CCDC97: variants seen among roughly 807,000 people sequenced by gnomAD.
CCDC97 encodes the protein coiled-coil domain-containing protein 97.
In CCDC97, 27 loss-of-function variants were observed where a neutral mutation model predicts 33.9. That is an observed-to-expected ratio of 0.80 (90% CI 0.59 to 1.10). The LOEUF (loss-of-function observed/expected upper bound fraction) is 1.10, where lower values mean the gene tolerates loss of function less well. Among genes scored for constraint, CCDC97 ranks in the 50% least tolerant of loss-of-function variants. CCDC97 has a pLI of 0.00. For synonymous variants in CCDC97, 217 were observed against 194.0 expected (o/e 1.12, Z -0.99); for missense variants, 422 against 476.6 (o/e 0.89, Z 1.07).
Position 41,319,822 on chromosome 19 carries a change from G to A in CCDC97, c.751G>A (p.Glu251Lys). The change falls in exon 3 of 5, where the codon GAG (glutamate) becomes AAG (lysine). Residue 251 changes from glutamate (E) to lysine (K), a missense_variant. Glu to Lys is a moderately conservative substitution (Grantham distance 56). Coordinates refer to ENST00000269967, the MANE Select transcript of CCDC97 (RefSeq NM_052848.3). ...QEEEEACLEE[E>K]EEEEDSDEED... ...GGAGGAGGAGGCCTGCTTGGAGGAAGAGGAAGAGGAGGAGGACAGTGACGA... is the reference window on the plus strand; with the variant it reads ...GGAGGAGGAGGCCTGCTTGGAGGAAAAGGAAGAGGAGGAGGACAGTGACGA... 6.4e-7 allele frequency: 1 copy of A among 1,569,686 alleles called. No individual in the cohort carries two copies. The highest frequency in any genetic ancestry group is 8.7e-7 in the Non-Finnish European group (1 of 1,147,868).
rs773099147 is a variant in CCDC97 at position 41,310,290 on chromosome 19, GA to G, written c.-17del. 16 of 1,594,348 alleles carry G rather than the reference GA, an allele frequency of 1.0e-5. No homozygotes were observed. Among genetic ancestry groups the G allele is most frequent in the Non-Finnish European group, 1.4e-5 (16 of 1,170,754 alleles). On this transcript the variant is annotated 5_prime_UTR_variant, in exon 1 of 5. Transcript: ENST00000269967. ...AGTGTGCGGGGCCCGCCGGGCGGTT[GA>G]AAAGTCCGAGAGAATCAGGATGGAG...
intron 1 of CCDC97, among the ~76,000 whole-genome samples, chr19:41,313,507 A>G (rs1355167749): frequency 6.6e-6 from 1 of 152,140 alleles, no homozygotes; most frequent in Non-Finnish European, 1.5e-5. Flanking sequence ...CAGCTGCATC[A>G]GTGATTTAAA....
At chr19:41,322,175 C>T (rs750921356) in intron 4 of CCDC97, among the ~76,000 whole-genome samples, 18 of 151,860 alleles carry the variant, frequency 1.2e-4, no homozygotes, top group Non-Finnish European at 2.7e-4. Context: ...CTCACCGCAG[C>T]CTTGACCTCC....
rs2037856081 is a variant in CCDC97, at chr19:41,324,015, T to A, written c.*1300T>A. 1 of 152,350 alleles carries A rather than the reference T, an allele frequency of 6.6e-6. No individual in the cohort carries two copies. Among genetic ancestry groups the A allele is most frequent in the South Asian group, 2.1e-4 (1 of 4,828 alleles). 9.4% of individuals were successfully genotyped at this position (152,350 alleles called of 1,614,324 possible). On this transcript the variant is annotated 3_prime_UTR_variant, in exon 5 of 5. Transcript: ENST00000269967. ...TCCTCATGCCTCTGAGATGGAATGG[T>A]GGTATCCTGCCGTGGCCAAGCCTGA...
chr19:41,320,510 A>G lies in CCDC97; in HGVS notation c.911+40A>G, dbSNP rs551515960. The G allele has an allele frequency of 8.7e-6, 14 of 1,612,820 alleles. No individual in the cohort carries two copies. In the South Asian group the frequency reaches 1.3e-4, roughly 15 times the overall value. ...CCACCTCCCCATCCCCCAGCCCAGC[A>G]TCCCACGGCCTTTGGTCACATGCAG... On this transcript the variant is annotated intron_variant, in intron 4 of 4. Coordinates refer to ENST00000269967, the MANE Select transcript of CCDC97 (RefSeq NM_052848.3).
intron 2 of CCDC97, among the ~76,000 whole-genome samples, chr19:41,317,979 A>C (rs1599874701): frequency 7.3e-6 from 1 of 137,548 alleles, no homozygotes; most frequent in Middle Eastern, 3.7e-3. Flanking sequence ...TGAATCTGGG[A>C]GGTGGAGGTT....
At chr19:41,322,105 GT>G (rs971499238) in intron 4 of CCDC97, among the ~76,000 whole-genome samples, 1 of 152,006 alleles carries the variant, frequency 6.6e-6, no homozygotes, top group African/African-American at 2.4e-5. Flanking sequence ...GAGCTTTGGG[GT>G]TTTTTTTAGA....
Position 41,320,330 on chromosome 19 carries a change from T to C in CCDC97, c.782-11T>C. The C allele has an allele frequency of 6.2e-7, 1 of 1,613,354 alleles. No individual in the cohort carries two copies. The highest frequency in any genetic ancestry group is 8.5e-7 in the Non-Finnish European group (1 of 1,179,878). On this transcript the variant is annotated splice_polypyrimidine_tract_variant and intron_variant, in intron 3 of 4. Coordinates refer to ENST00000269967, the MANE Select transcript of CCDC97 (RefSeq NM_052848.3). Reference sequence around the variant, plus strand: ...ACCCGCATTCACACCCCCTCTCCTCTCCCTCTGCAGACCAGAGGTCAGGCA... The same window carrying C: ...ACCCGCATTCACACCCCCTCTCCTCCCCCTCTGCAGACCAGAGGTCAGGCA...
At position 41,322,614 on chromosome 19, in the gene CCDC97, G is replaced by A. The variant is rs778386811; in HGVS notation, c.931G>A (p.Asp311Asn). 41 of 1,613,280 alleles carry A rather than the reference G, an allele frequency of 2.5e-5. No homozygotes were observed. Among genetic ancestry groups the A allele is most frequent in the East Asian group, 1.1e-4 (5 of 44,854 alleles). ...CTGCAGCACAGTAGACGACAACCCC[G>A]ACTTCGACAACCTCGACATCGTGGC... ...FDYSTVDDNP[D>N]FDNLDIVARD... Residue 311 changes from aspartate (D) to asparagine (N), a missense_variant, in exon 5 of 5, where the codon GAC becomes AAC. Physicochemically the swap from Asp to Asn is conservative, Grantham distance 23. Transcript: ENST00000269967.
chr19:41,317,043 G>C (rs1482965150), intron 2 of CCDC97, among the ~76,000 whole-genome samples: 3 of 152,158 alleles, frequency 2.0e-5, no homozygotes, highest in Non-Finnish European at 1.5e-5. Flanking sequence ...GAAGAGAATG[G>C]GACAGACAAT....
At chr19:41,318,323 G>C (rs2123059953) in intron 2 of CCDC97, among the ~76,000 whole-genome samples, 1 of 152,248 alleles carries the variant, frequency 6.6e-6, no homozygotes, top group Admixed American at 6.5e-5. Flanking sequence ...ACTGTGGCAG[G>C]TGCCTATAAT....
chr19:41,320,457 G>A lies in CCDC97; in HGVS notation c.898G>A (p.Asp300Asn), dbSNP rs2037810828. The change falls in exon 4 of 5, where the codon GAC (aspartate) becomes AAC (asparagine). Residue 300 changes from aspartate to asparagine, a missense_variant. By Grantham distance (23) the Asp-to-Asn change is conservative. Transcript: ENST00000269967. Reference protein sequence around the residue: ...HQRFLDGKDGDFDYSTVDDNP... With the variant: ...HQRFLDGKDGNFDYSTVDDNP... ...GCGCTTCCTAGATGGCAAGGACGGG[G>A]ACTTTGACTACAGGTGCTCCTGTGC... 1 of 1,613,800 alleles carries A rather than the reference G, an allele frequency of 6.2e-7. No individual in the cohort carries two copies. Among genetic ancestry groups the A allele is most frequent in the South Asian group, 1.1e-5 (1 of 91,074 alleles).
intron 2 of CCDC97, 131 bp from the exon 3 acceptor site, chr19:41,319,443 T>C: frequency 1.5e-6 from 1 of 685,486 alleles, no homozygotes; most frequent in African/African-American, 1.8e-5. Flanking sequence ...TCCTGTGTTT[T>C]TGAATGTGTG....
chr19:41,310,679 A>G, intron 1 of CCDC97: 1 of 1,255,826 alleles, frequency 8.0e-7, no homozygotes, highest in Non-Finnish European at 1.0e-6. Flanking sequence ...GCATTGCCTC[A>G]GACCAGCCCT....
intron 1 of CCDC97, among the ~76,000 whole-genome samples, chr19:41,314,108 C>T (rs2037716869): frequency 6.6e-6 from 1 of 151,920 alleles, no homozygotes; most frequent in Admixed American, 6.6e-5. Context: ...TATGGATCCT[C>T]AGCATTGCCT....
chr19:41,319,743 G>A lies in CCDC97; in HGVS notation c.672G>A (p.Leu224=). The change falls in exon 3 of 5, where the codon CTG becomes CTA. Residue 224 remains leucine, a synonymous_variant. Coordinates refer to ENST00000269967, the MANE Select transcript of CCDC97 (RefSeq NM_052848.3). ...CTGCTTGCCCGCTCTCCAACTTGCT[G>A]CTCCAGTCCTACGAGGAGCGGGAGC... is the stretch of plus-strand genomic sequence containing the variant. ...GRPACPLSNL[L]LQSYEERELQ... 5 of 1,613,868 alleles carry A rather than the reference G, an allele frequency of 3.1e-6. No homozygotes were observed. Among genetic ancestry groups the A allele is most frequent in the Non-Finnish European group, 4.2e-6 (5 of 1,179,864 alleles).
intron 4 of CCDC97, among the ~76,000 whole-genome samples, chr19:41,321,951 A>G (rs1400642700): frequency 6.6e-6 from 1 of 152,216 alleles, no homozygotes; most frequent in East Asian, 1.9e-4. Context: ...GGAGGGCAGT[A>G]GCAAGCCCCC....
At chr19:41,322,364 T>C (rs1275785408) in intron 4 of CCDC97, among the ~76,000 whole-genome samples, 5 of 152,242 alleles carry the variant, frequency 3.3e-5, no homozygotes, top group African/African-American at 1.2e-4. Context: ...AGTGCTGGGA[T>C]TGCAGGCATG....
intron 1 of CCDC97, chr19:41,310,579 C>G: frequency 1.0e-6 from 1 of 985,338 alleles, no homozygotes; most frequent in Non-Finnish European, 1.2e-6. Context: ...CTTCCCAGTT[C>G]CAGACCAATC....
Sources: gnomAD v4.1 joint callset for allele counts (sites outside exome capture counted in the v4.1 genomes callset) on GRCh38, gnomAD v4.1.1 for gene constraint, MANE v1.5 for transcripts, NCBI Gene and HGNC (gene_info 2026-07-23, HGNC 2026-07-21) for gene names.